Variants in HS6ST3 observed in about 807,000 individuals in gnomAD.
HS6ST3 encodes heparan-sulfate 6-O-sulfotransferase 3.
HS6ST3 carries 12 observed loss-of-function variants against 36.7 expected under a neutral mutation model. The observed-to-expected ratio is 0.33, with a 90% CI of 0.21 to 0.53. The LOEUF is 0.53. HS6ST3 is among the 20% of genes least tolerant of loss of function. The pLI is 0.95. For synonymous variants in HS6ST3, 240 were observed against 257.5 expected, an observed-to-expected ratio of 0.93 and a Z score of 0.65; for missense variants, 584 against 640.9, an observed-to-expected ratio of 0.91 and a Z score of 0.96.
intron 1 of HS6ST3, among the ~76,000 whole-genome samples, chr13:96,682,373 AAT>A (rs2056721424): frequency 1.3e-5 from 2 of 152,262 alleles, no homozygotes; most frequent in South Asian, 4.1e-4. Flanking sequence ...CCTGAAGCTA[AAT>A]GTTTTATTCC....
chr13:96,282,707 G>A (rs61966874), intron 1 of HS6ST3, among the ~76,000 whole-genome samples: 12,248 of 152,160 alleles, frequency 0.08, 564 homozygotes, highest in Middle Eastern at 0.13. Flanking sequence ...TAAGTTCTTA[G>A]GTAGAATTTT....
intron 1 of HS6ST3, among the ~76,000 whole-genome samples, chr13:96,212,894 T>C (rs1414320845): frequency 6.6e-6 from 1 of 152,180 alleles, no homozygotes; most frequent in Non-Finnish European, 1.5e-5. Flanking sequence ...AGTGACTAGA[T>C]TAACTATTGA....
At chr13:96,092,103 C>T (rs2053767971) in intron 1 of HS6ST3, among the ~76,000 whole-genome samples, 1 of 152,160 alleles carries the variant, frequency 6.6e-6, no homozygotes. Context: ...CTTGATGCCA[C>T]TTTGAAGACA....
chr13:96,224,747 C>A (rs565163735), intron 1 of HS6ST3, among the ~76,000 whole-genome samples: 3 of 152,326 alleles, frequency 2.0e-5, no homozygotes, highest in Admixed American at 1.3e-4. Flanking sequence ...AGTGCTTGGT[C>A]ATCGAAGGTT....
At chr13:96,824,083 C>T (rs887261880) in intron 1 of HS6ST3, among the ~76,000 whole-genome samples, 5 of 152,322 alleles carry the variant, frequency 3.3e-5, no homozygotes, top group Middle Eastern at 3.4e-3. Flanking sequence ...GAAAGCCACC[C>T]GAGCCTCTCC....
intron 1 of HS6ST3, among the ~76,000 whole-genome samples, chr13:96,804,857 T>A (rs1457836088): frequency 6.6e-6 from 1 of 152,216 alleles, no homozygotes; most frequent in African/African-American, 2.4e-5. Context: ...GTTCCTGCTT[T>A]GCTACTTTCA....
chr13:96,373,837 C>T (rs535269062), intron 1 of HS6ST3, among the ~76,000 whole-genome samples: 7 of 152,252 alleles, frequency 4.6e-5, no homozygotes, highest in Admixed American at 1.3e-4. Context: ...ACACTGATAT[C>T]GACATGAAAA....
At chr13:96,383,463 G>A (rs9513130) in intron 1 of HS6ST3, among the ~76,000 whole-genome samples, 3 of 151,888 alleles carry the variant, frequency 2.0e-5, no homozygotes, top group African/African-American at 7.3e-5. Flanking sequence ...AAAAAAAGTG[G>A]GAGAGAGGGA....
intron 1 of HS6ST3, among the ~76,000 whole-genome samples, chr13:96,799,998 GTATATATATATATA>G (rs374525350): frequency 4.0e-5 from 3 of 75,266 alleles, no homozygotes; most frequent in African/African-American, 2.7e-4. Flanking sequence ...ATATATATAT[GTATATATATATATA>G]TGTATATATA....
At chr13:96,461,440 G>A (rs779526736) in intron 1 of HS6ST3, among the ~76,000 whole-genome samples, 1 of 152,126 alleles carries the variant, frequency 6.6e-6, no homozygotes, top group Non-Finnish European at 1.5e-5. Context: ...GGTGAGCTGA[G>A]GTATACATGT....
intron 1 of HS6ST3, among the ~76,000 whole-genome samples, chr13:96,149,297 G>A (rs1243086651): frequency 2.0e-5 from 3 of 152,154 alleles, no homozygotes; most frequent in African/African-American, 7.2e-5. Flanking sequence ...TCGTTATGCT[G>A]TGTGTCAAAG....
At chr13:96,617,017 C>G (rs1025833499) in intron 1 of HS6ST3, among the ~76,000 whole-genome samples, 1 of 152,146 alleles carries the variant, frequency 6.6e-6, no homozygotes, top group African/African-American at 2.4e-5. Flanking sequence ...TGAACTGAAG[C>G]CTTCCGAACC....
intron 1 of HS6ST3, among the ~76,000 whole-genome samples, chr13:96,747,911 T>C (rs1876601924): frequency 1.3e-5 from 2 of 152,132 alleles, no homozygotes; most frequent in Non-Finnish European, 1.5e-5. Flanking sequence ...ATTAGGAAGA[T>C]ATATTCAGGA....
intron 1 of HS6ST3, among the ~76,000 whole-genome samples, chr13:96,120,109 A>C (rs1201833338): frequency 6.6e-6 from 1 of 152,218 alleles, no homozygotes; most frequent in Non-Finnish European, 1.5e-5. Context: ...AGACACAGGA[A>C]GAATGCCCTG....
At chr13:96,280,092 C>A (rs1288776938) in intron 1 of HS6ST3, among the ~76,000 whole-genome samples, 1 of 152,108 alleles carries the variant, frequency 6.6e-6, no homozygotes, top group Non-Finnish European at 1.5e-5. Flanking sequence ...ACATATTACA[C>A]TGGCAGGTTC....
intron 1 of HS6ST3, among the ~76,000 whole-genome samples, chr13:96,221,942 A>ATGTTTT (rs2054457635): frequency 6.6e-6 from 1 of 152,248 alleles, no homozygotes; most frequent in African/African-American, 2.4e-5. Context: ...TAGTTGTAAT[A>ATGTTTT]AATGTTCTTT....
At position 96,710,288 on chromosome 13, in the gene HS6ST3, G is replaced by C. The variant is rs1422029043; in HGVS notation, c.708-122202G>C. ...AATTTAGAAATGAAAGATAAAGCAG[G>C]ACCTAGGCTGCACTGGCCACACTCA... On this transcript the variant is annotated intron_variant, in intron 1 of 1. Transcript: ENST00000376705. Among the ~76,000 whole-genome samples the C allele has an allele frequency of 1.3e-5, 2 of 152,204 alleles. 1 individual carries two copies. The highest frequency in any genetic ancestry group is 2.9e-5 in the Non-Finnish European group (2 of 68,046).
intron 1 of HS6ST3, among the ~76,000 whole-genome samples, chr13:96,827,849 T>C (rs947325604): frequency 1.3e-5 from 2 of 152,208 alleles, no homozygotes; most frequent in Non-Finnish European, 2.9e-5. Context: ...AGTGGAATGA[T>C]GGTACTGGAA....
chr13:96,640,289 G>A (rs569545844), intron 1 of HS6ST3, among the ~76,000 whole-genome samples: 14 of 151,890 alleles, frequency 9.2e-5, no homozygotes, highest in Admixed American at 8.5e-4. Flanking sequence ...ATCTTCTTGT[G>A]GTTTTGGTTT....
Sources: gnomAD v4.1 joint callset for allele counts (sites outside exome capture counted in the v4.1 genomes callset) on GRCh38, gnomAD v4.1.1 for gene constraint, MANE v1.5 for transcripts, NCBI Gene and HGNC (gene_info 2026-07-23, HGNC 2026-07-21) for gene names.